Variants in VPS13B observed in about 807,000 individuals in gnomAD.
VPS13B encodes intermembrane lipid transfer protein VPS13B.
A neutral mutation model predicts 426.4 loss-of-function variants in VPS13B; 285 were observed. That is an observed-to-expected ratio of 0.67 (90% CI 0.61 to 0.74). The LOEUF is 0.74. Ranked by LOEUF, VPS13B falls within the 30% of genes least tolerant of loss-of-function variation. VPS13B has a pLI of 0.00. For synonymous variants in VPS13B, 1,676 were observed against 1,676.4 expected (o/e 1.00, Z 0.01); for missense variants, 4,537 against 4,782.6 (o/e 0.95, Z 1.51).
chr8:99,318,446 C>T (rs2029595), intron 19 of VPS13B, among the ~76,000 whole-genome samples: 111,685 of 152,042 alleles, frequency 0.73, 41,767 homozygotes, highest in South Asian at 0.87. Flanking sequence ...AAAGAATAAA[C>T]AAATTTAAAT....
In VPS13B at chr8:99,869,926, G is replaced by A. The variant is rs115278588; in HGVS notation, c.11393-859G>A. Among the ~76,000 whole-genome samples, 601 of 152,368 alleles carry A rather than the reference G, an allele frequency of 3.9e-3. 5 individuals carry two copies. Among genetic ancestry groups the A allele is most frequent in the African/African-American group, 0.013 (552 of 41,590 alleles). Reference sequence around the variant, plus strand: ...TTTGGTGCTGGAGAGTCTATGTAAAGGCCTATGTGGCTGCTGCTGGGTGCC... The same window carrying A: ...TTTGGTGCTGGAGAGTCTATGTAAAAGCCTATGTGGCTGCTGCTGGGTGCC... On this transcript the variant is annotated intron_variant, in intron 59 of 61. Coordinates refer to ENST00000357162, the MANE Select transcript of VPS13B (RefSeq NM_152564.5).
At chr8:99,229,588 T>C (rs988021023) in intron 17 of VPS13B, among the ~76,000 whole-genome samples, 1 of 152,150 alleles carries the variant, frequency 6.6e-6, no homozygotes, top group Non-Finnish European at 1.5e-5. Context: ...CTTGTTCTCA[T>C]GTAGAGAAAA....
rs1812148131 is a variant in VPS13B at position 99,784,178 on chromosome 8, A to G, written c.7780-137A>G. ...TGTGTGCTTATCCTGGCAGTATAGAATACTTTGTATACCAGAGCTAATGAC... is the reference window on the plus strand; with the variant it reads ...TGTGTGCTTATCCTGGCAGTATAGAGTACTTTGTATACCAGAGCTAATGAC... On this transcript the variant is annotated intron_variant, in intron 42 of 61. Coordinates refer to ENST00000357162, the MANE Select transcript of VPS13B (RefSeq NM_152564.5). The G allele has an allele frequency of 6.6e-6, 7 of 1,053,386 alleles. No homozygotes were observed. The South Asian group carries it at 9.0e-5, about 13-fold the overall frequency. 65.3% of individuals were successfully genotyped at this position (1,053,386 alleles called of 1,614,324 possible). A position where few individuals can be genotyped will look rare whatever the true frequency, so the allele number is the denominator to read the frequency against.
chr8:99,166,087 C>T (rs1811987541), intron 15 of VPS13B, among the ~76,000 whole-genome samples: 1 of 152,160 alleles, frequency 6.6e-6, no homozygotes, highest in East Asian at 1.9e-4. Context: ...TCAAGTGATT[C>T]TCCTGCCTCA....
At chr8:99,764,668 G>A (rs1230334278) in intron 39 of VPS13B, among the ~76,000 whole-genome samples, 1 of 151,804 alleles carries the variant, frequency 6.6e-6, no homozygotes, top group Non-Finnish European at 1.5e-5. Flanking sequence ...CACCCCCTTG[G>A]CCTCCCAAAG....
chr8:99,058,179 G>T (rs541545030), intron 3 of VPS13B, among the ~76,000 whole-genome samples: 1 of 151,814 alleles, frequency 6.6e-6, no homozygotes, highest in Non-Finnish European at 1.5e-5. Context: ...CATGAATGTA[G>T]TGTGGAATTT....
intron 30 of VPS13B, among the ~76,000 whole-genome samples, chr8:99,522,175 T>C (rs1160668775): frequency 6.6e-6 from 1 of 152,192 alleles, no homozygotes; most frequent in Non-Finnish European, 1.5e-5. Context: ...CCTTAGGATC[T>C]AGGGAAATGA....
At chr8:99,433,772 C>T (rs1350151317) in intron 22 of VPS13B, among the ~76,000 whole-genome samples, 1 of 150,038 alleles carries the variant, frequency 6.7e-6, no homozygotes, top group Non-Finnish European at 1.5e-5. Context: ...TGGCTGTTAG[C>T]TTCTTTCCTC....
At chr8:99,531,355 A>G (rs918463906) in intron 30 of VPS13B, among the ~76,000 whole-genome samples, 5 of 152,214 alleles carry the variant, frequency 3.3e-5, no homozygotes, top group South Asian at 2.1e-4. Flanking sequence ...TAATGACCAG[A>G]TAAATATTTA....
At chr8:99,097,627 C>A (rs1019385534) in intron 4 of VPS13B, among the ~76,000 whole-genome samples, 1 of 151,358 alleles carries the variant, frequency 6.6e-6, no homozygotes, top group African/African-American at 2.4e-5. Flanking sequence ...CAAGACAGAT[C>A]AAAAATGAAA....
chr8:99,576,781 C>G (rs1485940931), intron 32 of VPS13B, among the ~76,000 whole-genome samples: 1 of 152,122 alleles, frequency 6.6e-6, no homozygotes, highest in East Asian at 1.9e-4. Context: ...GATAAATGTT[C>G]AAGTGACTAG....
At chr8:99,674,754 G>T (rs1830857524) in intron 35 of VPS13B, among the ~76,000 whole-genome samples, 1 of 151,622 alleles carries the variant, frequency 6.6e-6, no homozygotes, top group African/African-American at 2.4e-5. Context: ...GTTATCATGA[G>T]GCATATCAAA....
In VPS13B at chr8:99,115,829, G is replaced by C; in HGVS notation, c.892G>C (p.Glu298Gln). The stretch of plus-strand genomic sequence containing the variant: ...AGGCAATTTTAAAGAAGGCGAAATA[G>C]AGGACCTTACTTGTCATAATAAAGA... ...EIGNFKEGEI[E>Q]DLTCHNKDML... Residue 298 changes from glutamate (E) to glutamine (Q), a missense_variant, in exon 7 of 62, where the codon GAG becomes CAG. Transcript: ENST00000357162. 6.2e-7 allele frequency: 1 copy of C among 1,613,670 alleles called. No homozygotes were observed. The highest frequency in any genetic ancestry group is 8.5e-7 in the Non-Finnish European group (1 of 1,179,812).
At chr8:99,849,684 G>A (rs1187912282) in intron 55 of VPS13B, among the ~76,000 whole-genome samples, 3 of 152,088 alleles carry the variant, frequency 2.0e-5, no homozygotes, top group Non-Finnish European at 4.4e-5. Context: ...ACAGAGAGAT[G>A]TACACAGTGA....
Position 99,239,696 on chromosome 8 carries a change from A to G in VPS13B, c.2516-34502A>G, listed in dbSNP as rs1407888560. On this transcript the variant is annotated intron_variant, in intron 17 of 61. Transcript: ENST00000357162. ...TTAAGAATCAGTTCAGCCAGAGTCA[A>G]TCTAAAGCATCTAAGGCTACTAGGA... Among the ~76,000 whole-genome samples the G allele has an allele frequency of 1.2e-4, 8 of 69,006 alleles. No individual in the cohort carries two copies. In the East Asian group the frequency reaches 2.1e-3, roughly 18 times the overall value. 45.3% of individuals were successfully genotyped at this position (69,006 alleles called of 152,430 possible). A position where few individuals can be genotyped will look rare whatever the true frequency, so the allele number is the denominator to read the frequency against.
chr8:99,242,046 T>C (rs1173979174), intron 17 of VPS13B, among the ~76,000 whole-genome samples: 3 of 152,166 alleles, frequency 2.0e-5, no homozygotes, highest in African/African-American at 4.8e-5. Flanking sequence ...AATGGCGTGG[T>C]CTCGGCTCAC....
chr8:99,817,712 C>A lies in VPS13B; in HGVS notation c.8270C>A (p.Thr2757Lys), dbSNP rs1297641779. The part of the protein sequence containing the change: ...PSYILENNEL[T>K]ELCVKAKGDE... ...TACATACTAGAAAACAATGAACTGA[C>A]GGAGCTGTGTGTGAAGGCCAAAGGA... is the stretch of plus-strand genomic sequence containing the variant. Residue 2757 changes from threonine to lysine, a missense_variant, in exon 45 of 62, where the codon ACG becomes AAG. By Grantham distance (78) the Thr-to-Lys change is moderately conservative (BLOSUM62 -1). Coordinates refer to ENST00000357162, the MANE Select transcript of VPS13B (RefSeq NM_152564.5). The A allele has an allele frequency of 6.2e-7, 1 of 1,614,014 alleles. No homozygotes were observed. The highest frequency in any genetic ancestry group is 8.5e-7 in the Non-Finnish European group (1 of 1,179,972).
At chr8:99,421,818 C>T (rs142989978) in intron 21 of VPS13B, among the ~76,000 whole-genome samples, 1 of 152,178 alleles carries the variant, frequency 6.6e-6, no homozygotes, top group African/African-American at 2.4e-5. Context: ...ACTGGGACTA[C>T]AGGCATGCAC....
intron 33 of VPS13B, among the ~76,000 whole-genome samples, chr8:99,578,884 T>C (rs1825902478): frequency 2.0e-5 from 3 of 152,178 alleles, no homozygotes; most frequent in Non-Finnish European, 4.4e-5. Context: ...TTTTAATGCC[T>C]CTTAGGGGGA....
Sources: allele counts gnomAD v4.1 joint callset (sites outside exome capture counted in the v4.1 genomes callset), GRCh38; gene constraint gnomAD v4.1.1; transcripts MANE v1.5; gene names NCBI Gene and HGNC (gene_info 2026-07-23, HGNC 2026-07-21).